The following PPP4R4 variants were observed in gnomAD, a reference collection of about 807,000 sequenced individuals.
The protein encoded by PPP4R4 is protein phosphatase 4 regulatory subunit 4.
Under a neutral mutation model 121.8 loss-of-function variants are expected in PPP4R4, and 70 were observed. The observed-to-expected ratio is 0.57, with a 90% confidence interval of 0.47 to 0.70. The LOEUF (loss-of-function observed/expected upper bound fraction) is 0.70, where lower values mean the gene tolerates loss of function less well. Ranked by LOEUF, PPP4R4 falls within the 30% of genes least tolerant of loss-of-function variation. The pLI is 0.00. For synonymous variants in PPP4R4, 348 were observed against 355.7 expected (o/e 0.98, Z 0.24); for missense variants, 875 against 1,033.6 (o/e 0.85, Z 2.10).
At chr14:94,222,984 C>G (rs1247048696) in intron 3 of PPP4R4, among the ~76,000 whole-genome samples, 2 of 152,008 alleles carry the variant, frequency 1.3e-5, no homozygotes, top group African/African-American at 4.8e-5. Flanking sequence ...AATACACCTT[C>G]TGTCTCACTA....
chr14:94,266,954 T>C lies in PPP4R4; in HGVS notation c.2379-5T>C. 6.4e-7 allele frequency: 1 copy of C among 1,553,034 alleles called. No individual in the cohort carries two copies. Among genetic ancestry groups the C allele is most frequent in the South Asian group, 1.1e-5 (1 of 87,498 alleles). ...TATTTTAAACTAAATCATGTTGTTT[T>C]CTAGTAAAAGTTCTACAACAGGATA... is the stretch of plus-strand genomic sequence containing the variant. On this transcript the variant is annotated splice_polypyrimidine_tract_variant and splice_region_variant and intron_variant, in intron 22 of 24. Transcript: ENST00000304338.
In PPP4R4 at chr14:94,175,583, C is replaced by T. The variant is rs147056155; in HGVS notation, c.118-471C>T. 479 of 156,874 alleles carry T rather than the reference C, an allele frequency of 3.1e-3. 2 individuals carry two copies. Among genetic ancestry groups the T allele is most frequent in the African/African-American group, 0.011 (445 of 41,640 alleles). 9.7% of individuals were successfully genotyped at this position (156,874 alleles called of 1,614,324 possible). A position where few individuals can be genotyped will look rare whatever the true frequency, so the allele number is the denominator to read the frequency against. ...TCAAATCTCTGGTTTTTTTCCAGCCCCGGAGTTTATTTCCTTCCCTCCCCC... is the reference window on the plus strand; with the variant it reads ...TCAAATCTCTGGTTTTTTTCCAGCCTCGGAGTTTATTTCCTTCCCTCCCCC... On this transcript the variant is annotated intron_variant, in intron 1 of 24. Coordinates refer to ENST00000304338, the MANE Select transcript of PPP4R4 (RefSeq NM_058237.2).
chr14:94,249,071 C>T (rs900967526), intron 14 of PPP4R4, among the ~76,000 whole-genome samples: 14 of 151,926 alleles, frequency 9.2e-5, no homozygotes, highest in African/African-American at 3.1e-4. Context: ...ATGCCATAAA[C>T]TATAATATAT....
chr14:94,234,796 ATGTGCTTAG>A (rs1346744345), intron 7 of PPP4R4, 127 bp downstream of exon 7: 8 of 720,664 alleles, frequency 1.1e-5, no homozygotes, highest in Non-Finnish European at 2.4e-6. Flanking sequence ...ATAAAGAGGA[ATGTGCTTAG>A]CATGGTGGTA....
At chr14:94,232,043 A>G (rs921196579) in intron 5 of PPP4R4, among the ~76,000 whole-genome samples, 2 of 151,978 alleles carry the variant, frequency 1.3e-5, no homozygotes, top group Non-Finnish European at 2.9e-5. Context: ...TATATGTGCT[A>G]TTTACCTATT....
At chr14:94,179,357 A>G (rs988776806) in intron 2 of PPP4R4, among the ~76,000 whole-genome samples, 3 of 152,194 alleles carry the variant, frequency 2.0e-5, no homozygotes, top group African/African-American at 7.2e-5. Flanking sequence ...TTCACTTAGC[A>G]TAAGGTGTTC....
At position 94,208,567 on chromosome 14, in the gene PPP4R4, G is replaced by A; in HGVS notation, c.294+1G>A. ...TCGGAGAGTGTTGCCAAAAGTCAGA[G>A]TAAGTTGGTATGAAATAAGATTGGA... On this transcript the variant is annotated splice_donor_variant, in intron 3 of 24. Transcript: ENST00000304338. LOFTEE classifies it high-confidence loss of function. The A allele has an allele frequency of 6.3e-7, 1 of 1,595,814 alleles. No individual in the cohort carries two copies. The highest frequency in any genetic ancestry group is 8.6e-7 in the Non-Finnish European group (1 of 1,164,926).
intron 2 of PPP4R4, among the ~76,000 whole-genome samples, chr14:94,181,244 GAGAGAGAGAA>G (rs1286863760): frequency 6.6e-6 from 1 of 152,012 alleles, no homozygotes; most frequent in Non-Finnish European, 1.5e-5. Context: ...GTGTGTGTGT[GAGAGAGAGAA>G]AGAGAGAGGA....
intron 2 of PPP4R4, among the ~76,000 whole-genome samples, chr14:94,187,871 G>A (rs1889372991): frequency 6.6e-6 from 1 of 152,084 alleles, no homozygotes; most frequent in Non-Finnish European, 1.5e-5. Flanking sequence ...GTACCATGGT[G>A]GTGAAATGCC....
intron 19 of PPP4R4, among the ~76,000 whole-genome samples, chr14:94,261,096 C>T (rs1893762915): frequency 6.6e-6 from 1 of 152,112 alleles, no homozygotes; most frequent in Non-Finnish European, 1.5e-5. Context: ...TAGTTGTACA[C>T]ATATGTGTCT....
chr14:94,220,462 CT>C (rs201855869), intron 3 of PPP4R4, among the ~76,000 whole-genome samples: 52 of 149,258 alleles, frequency 3.5e-4, no homozygotes, highest in East Asian at 2.1e-3. Context: ...GTAAAGCTGT[CT>C]TTTTTTTTTC....
chr14:94,190,718 A>G (rs1043174159), intron 2 of PPP4R4, among the ~76,000 whole-genome samples: 4 of 152,172 alleles, frequency 2.6e-5, no homozygotes, highest in South Asian at 4.1e-4. Flanking sequence ...GGAGCTTACA[A>G]TGTTCCCAGA....
At chr14:94,263,116 G>A (rs1238921613) in intron 19 of PPP4R4, among the ~76,000 whole-genome samples, 1 of 151,970 alleles carries the variant, frequency 6.6e-6, no homozygotes, top group East Asian at 1.9e-4. Flanking sequence ...AATTTATCCA[G>A]TTTGGATTTG....
In PPP4R4 at chr14:94,208,521, A is replaced by T. The variant is rs371065972; in HGVS notation, c.249A>T (p.Arg83=). ...TTGCAAATCTCCCATTTTTGATGCG[A>T]CAGAATCCCACTGAGACGCTTCGGA... ...SVIANLPFLM[R]QNPTETLRRV... Residue 83 remains arginine, a synonymous_variant, in exon 3 of 25, where the codon CGA becomes CGT. Coordinates refer to ENST00000304338, the MANE Select transcript of PPP4R4 (RefSeq NM_058237.2). 3 of 1,611,898 alleles carry T rather than the reference A, an allele frequency of 1.9e-6. No homozygotes were observed. Among genetic ancestry groups the T allele is most frequent in the Admixed American group, 1.7e-5 (1 of 59,854 alleles).
chr14:94,216,883 A>T (rs761985338), intron 3 of PPP4R4, among the ~76,000 whole-genome samples: 3 of 152,214 alleles, frequency 2.0e-5, no homozygotes, highest in South Asian at 2.1e-4. Flanking sequence ...GCCTTTTGAC[A>T]CTAGGGGCTG....
chr14:94,258,148 G>T (rs910668435), intron 17 of PPP4R4, among the ~76,000 whole-genome samples: 24 of 152,082 alleles, frequency 1.6e-4, no homozygotes, highest in Non-Finnish European at 1.5e-4. Context: ...TGTTTGTCAT[G>T]GATAGCTTTG....
intron 15 of PPP4R4, among the ~76,000 whole-genome samples, chr14:94,250,728 T>G (rs1190619247): frequency 6.6e-6 from 1 of 151,946 alleles, no homozygotes; most frequent in Non-Finnish European, 1.5e-5. Flanking sequence ...AGAAACTAAG[T>G]CAGTTTACAA....
At chr14:94,184,631 A>G (rs1454720216) in intron 2 of PPP4R4, among the ~76,000 whole-genome samples, 2 of 152,228 alleles carry the variant, frequency 1.3e-5, no homozygotes, top group African/African-American at 4.8e-5. Context: ...TTAAATCTGT[A>G]CGTCTTTCAG....
At position 94,265,794 on chromosome 14, in the gene PPP4R4, G is replaced by T. The variant is rs1361541307; in HGVS notation, c.2285G>T (p.Ser762Ile). 6.3e-7 allele frequency: 1 copy of T among 1,596,346 alleles called. No homozygotes were observed. The highest frequency in any genetic ancestry group is 8.6e-7 in the Non-Finnish European group (1 of 1,168,090). Residue 762 changes from serine (S) to isoleucine (I), a missense_variant and splice_region_variant, in exon 22 of 25, where the codon AGT (serine) becomes ATT (isoleucine). Coordinates refer to ENST00000304338, the MANE Select transcript of PPP4R4 (RefSeq NM_058237.2). ...TTCTTTTTTCTGCTTATTGCTCTAG[G>T]TAAAGAAATCAAGAAATCCAAACTG... ...PGPSSVTPST[S>I]KEIKKSKLIR... is the part of the protein sequence containing the mutation.
Sources: allele counts gnomAD v4.1 joint callset (sites outside exome capture counted in the v4.1 genomes callset), GRCh38; gene constraint gnomAD v4.1.1; transcripts MANE v1.5; gene names NCBI Gene and HGNC (gene_info 2026-07-23, HGNC 2026-07-21).